Variants in HAS3 observed in about 807,000 individuals in gnomAD.
The protein encoded by HAS3 is HA synthase 3.
HAS3 carries 27 observed loss-of-function variants against 50.3 expected under a neutral mutation model. The observed-to-expected ratio is 0.54, with a 90% CI of 0.40 to 0.74. The LOEUF is 0.74. Among genes scored for constraint, HAS3 ranks in the 30% least tolerant of loss-of-function variants. The pLI is 0.00. For missense variants in HAS3, 517 were observed against 742.8 expected (o/e 0.70, Z 3.53); for synonymous variants, 339 against 310.9 (o/e 1.09, Z -0.95).
chr16:69,101,004 C>T (rs1263424690), upstream of HAS3, among the ~76,000 whole-genome samples: 1 of 152,194 alleles, frequency 6.6e-6, no homozygotes, highest in Non-Finnish European at 1.5e-5. Flanking sequence ...GGCTTCTCCT[C>T]AGCCTTTTAT....
chr16:69,115,262 TGTGA>T lies in HAS3; in HGVS notation c.1659_1662del (p.Ter554MetfsTer8). 6.6e-7 allele frequency: 1 copy of T among 1,517,024 alleles called. No individual in the cohort carries two copies. The highest frequency in any genetic ancestry group is 2.3e-5 in the East Asian group (1 of 44,010). 94.0% of individuals were successfully genotyped at this position (1,517,024 alleles called of 1,614,324 possible). A position where few individuals can be genotyped will look rare whatever the true frequency, so the allele number is the denominator to read the frequency against. ...CAGTACAGCTTGGCTTTTGCTGAGGTGTGACATGGCCCCCAAGCAGAGCGGGTAA... is the reference window on the plus strand; with the variant it reads ...CAGTACAGCTTGGCTTTTGCTGAGGTCATGGCCCCCAAGCAGAGCGGGTAA... On this transcript the variant is annotated frameshift_variant and stop_lost, in exon 4 of 4. Coordinates refer to ENST00000569188, the MANE Select transcript of HAS3 (RefSeq NM_001199280.2). LOFTEE classifies it high-confidence loss of function.
At chr16:69,091,091 G>C in the HAS3 span, among the ~76,000 whole-genome samples, 2 of 152,106 alleles carry the variant, frequency 1.3e-5, no homozygotes, top group Admixed American at 6.6e-5. Context: ...TATTTCCAAA[G>C]AAAGAAAAAT....
downstream of HAS3, chr16:69,118,143 C>A: frequency 8.6e-6 from 3 of 347,860 alleles, no homozygotes; most frequent in Non-Finnish European, 1.7e-5. Context: ...ACCCTAATTC[C>A]CATATTCCCA....
At chr16:69,095,800 C>T in the HAS3 span, among the ~76,000 whole-genome samples, 1 of 152,160 alleles carries the variant, frequency 6.6e-6, no homozygotes, top group African/African-American at 2.4e-5. Context: ...ATGGCCCCTA[C>T]CCTCAGCTTC....
chr16:69,118,388 C>G, downstream of HAS3: 1 of 1,612,836 alleles, frequency 6.2e-7, no homozygotes, highest in South Asian at 1.1e-5. Context: ...AGAGGATGAC[C>G]AGGTCCAAGC....
rs1350189072 is a variant in HAS3, at chr16:69,115,478, C to T, written c.*212C>T. 7.9e-7 allele frequency: 1 copy of T among 1,271,808 alleles called. No individual in the cohort carries two copies. Among genetic ancestry groups the T allele is most frequent in the Non-Finnish European group, 9.9e-7 (1 of 1,011,772 alleles). The allele number at this position is 1,271,808 out of a possible 1,614,324, so 78.8% of individuals were successfully genotyped here. A position where few individuals can be genotyped will look rare whatever the true frequency, so the allele number is the denominator to read the frequency against. The stretch of plus-strand genomic sequence containing the variant: ...CACTGATCCCCCAGATGCAGGGCTG[C>T]AGGGGATTCTGTGTTTTCAGACTGC... On this transcript the variant is annotated 3_prime_UTR_variant, in exon 4 of 4. Transcript: ENST00000569188.
the HAS3 span, among the ~76,000 whole-genome samples, chr16:69,094,150 G>A: frequency 0.3 from 45,570 of 151,998 alleles, 7,000 homozygotes; most frequent in African/African-American, 0.32. Flanking sequence ...AAGCTACTGG[G>A]CCTTTAAGTG....
rs1367570383 is a variant in HAS3 at position 69,109,875 on chromosome 16, G to C, written c.480G>C (p.Glu160Asp). 3.1e-6 allele frequency: 5 copies of C among 1,613,760 alleles called. No individual in the cohort carries two copies. In the African/African-American group the frequency reaches 6.7e-5, roughly 22 times the overall value. The change falls in exon 2 of 4, where the codon GAG becomes GAC. Residue 160 changes from glutamate (E) to aspartate (D), a missense_variant. Transcript: ENST00000569188. This position sits in a 1 kb window ranked among gnomAD's most constrained non-coding sequence, Gnocchi z 5.3. Reference protein sequence around the residue: ...VWRSNFHEAGEGETEASLQEG... With the variant: ...VWRSNFHEAGDGETEASLQEG... ...GCAGCAACTTCCATGAGGCAGGCGA[G>C]GGTGAGACGGAGGCCAGCCTGCAGG...
chr16:69,102,634 A>T (rs1300056542), upstream of HAS3, among the ~76,000 whole-genome samples: 1 of 152,238 alleles, frequency 6.6e-6, no homozygotes, highest in Non-Finnish European at 1.5e-5. Context: ...TGGTACAGGC[A>T]GGGTGTTTGT....
In HAS3 at chr16:69,113,332, T is replaced by C. The variant is rs1203567929; in HGVS notation, c.637-109T>C. On this transcript the variant is annotated intron_variant, in intron 2 of 3. Coordinates refer to ENST00000569188, the MANE Select transcript of HAS3 (RefSeq NM_001199280.2). ...TTAGCTAGAGGCTGGAAGTGAGTCA[T>C]GTGTGAAGGGGTCATGTCTCTCAGG... The C allele has an allele frequency of 3.9e-6, 3 of 768,236 alleles. No individual in the cohort carries two copies. In the South Asian group the frequency reaches 4.1e-5, roughly 11 times the overall value. The allele number at this position is 768,236 out of a possible 1,614,324, so 47.6% of individuals were successfully genotyped here. A position where few individuals can be genotyped will look rare whatever the true frequency, so the allele number is the denominator to read the frequency against.
the HAS3 span, among the ~76,000 whole-genome samples, chr16:69,093,264 G>C: frequency 6.6e-6 from 1 of 152,210 alleles, no homozygotes; most frequent in East Asian, 1.9e-4. Context: ...AGGCTGGAGT[G>C]CAGTGGCGCA....
intron 3 of HAS3, 118 bp downstream of exon 3, chr16:69,113,660 T>A: frequency 1.6e-6 from 1 of 637,614 alleles, no homozygotes; most frequent in Non-Finnish European, 2.7e-6. Context: ...GGTTCCTCGC[T>A]GGCAGTTTTC....
Position 69,112,267 on chromosome 16 carries a change from G to A in HAS3, c.637-1174G>A, listed in dbSNP as rs116949718. 7.2e-5 allele frequency among the ~76,000 whole-genome samples: 11 copies of A among 152,356 alleles called. No individual in the cohort carries two copies. In the East Asian group the frequency reaches 2.1e-3, roughly 29 times the overall value. On this transcript the variant is annotated intron_variant, in intron 2 of 3. Transcript: ENST00000569188. ...CTGGGAGTCTTGGCCTGTAAGTGGAGGAGGCTCTGCTAGTCTGGCCTGAGG... is the reference window on the plus strand; with the variant it reads ...CTGGGAGTCTTGGCCTGTAAGTGGAAGAGGCTCTGCTAGTCTGGCCTGAGG...
In HAS3 at chr16:69,114,435, T is replaced by C. The variant is rs1446821289; in HGVS notation, c.831T>C (p.Phe277=). 2.5e-6 allele frequency: 4 copies of C among 1,613,702 alleles called. No individual in the cohort carries two copies. The Admixed American group carries it at 6.7e-5, about 27-fold the overall frequency. ...FNVERACQSY[F]GCVQCISGPL... ...TGGAGCGGGCCTGCCAGTCCTACTT[T>C]GGCTGTGTGCAGTGTATTAGTGGGC... Residue 277 remains phenylalanine (F), a synonymous_variant, in exon 4 of 4, where the codon TTT becomes TTC. Transcript: ENST00000569188. The surrounding 1 kb of genome is among the most constrained non-coding windows in gnomAD (Gnocchi z 6.4).
At chr16:69,090,715 G>A in the HAS3 span, among the ~76,000 whole-genome samples, 3 of 149,700 alleles carry the variant, frequency 2.0e-5, no homozygotes, top group South Asian at 2.1e-4. Context: ...CTACAGGGGC[G>A]TGCTACCACG....
Position 69,115,355 on chromosome 16 carries a change from A to G in HAS3, c.*89A>G, listed in dbSNP as rs1961148126. ...AAAGACAGGGTGGGAGGGAGGAGGGAGTGCTGTGTTTTAGTCTCTTAATGG... is the reference window on the plus strand; with the variant it reads ...AAAGACAGGGTGGGAGGGAGGAGGGGGTGCTGTGTTTTAGTCTCTTAATGG... On this transcript the variant is annotated 3_prime_UTR_variant, in exon 4 of 4. Transcript: ENST00000569188. 1.5e-5 allele frequency: 22 copies of G among 1,455,476 alleles called. No individual in the cohort carries two copies. The highest frequency in any genetic ancestry group is 2.0e-5 in the Non-Finnish European group (22 of 1,110,024). The allele number at this position is 1,455,476 out of a possible 1,614,324, so 90.2% of individuals were successfully genotyped here.
At chr16:69,103,869 C>T (rs1158650598), upstream of HAS3, among the ~76,000 whole-genome samples, 7 of 152,192 alleles carry the variant, frequency 4.6e-5, no homozygotes, top group Non-Finnish European at 7.3e-5. Context: ...ATCAGTCCGC[C>T]TAGCAATCCC....
At chr16:69,113,161 C>T (rs1166364506) in intron 2 of HAS3, among the ~76,000 whole-genome samples, 1 of 152,212 alleles carries the variant, frequency 6.6e-6, no homozygotes, top group Non-Finnish European at 1.5e-5. Context: ...TTTTTTGCGT[C>T]CAGTGCTAAG....
chr16:69,110,323 C>T (rs996742114), intron 2 of HAS3, among the ~76,000 whole-genome samples: 2 of 152,112 alleles, frequency 1.3e-5, no homozygotes, highest in Non-Finnish European at 1.5e-5. Context: ...TGGTGGCAGG[C>T]GCCTGTAGTC....
Sources: allele counts gnomAD v4.1 joint callset (sites outside exome capture counted in the v4.1 genomes callset), GRCh38; gene constraint gnomAD v4.1.1; non-coding constraint Gnocchi (gnomAD v3.1); transcripts MANE v1.5; gene names NCBI Gene and HGNC (gene_info 2026-07-23, HGNC 2026-07-21).